PRIM2: variants seen among roughly 807,000 people sequenced by gnomAD.
PRIM2 encodes DNA primase large subunit.
A neutral mutation model predicts 67.3 loss-of-function variants in PRIM2; 39 were observed. That is an observed-to-expected ratio of 0.58 (90% CI 0.45 to 0.76). PRIM2 has a LOEUF of 0.76. Among genes scored for constraint, PRIM2 ranks in the 30% least tolerant of loss-of-function variants. PRIM2 has a pLI of 0.00. For synonymous variants in PRIM2, 143 were observed against 198.7 expected (o/e 0.72, Z 2.36); for missense variants, 398 against 598.7 (o/e 0.66, Z 3.50).
chr6:57,419,770 A>AT (rs1227680153), intron 7 of PRIM2, among the ~76,000 whole-genome samples: 8 of 151,754 alleles, frequency 5.3e-5, no homozygotes, highest in Non-Finnish European at 5.9e-5. Flanking sequence ...ACATTTGGGA[A>AT]TTTTTTTTTA....
chr6:57,300,197 A>G, the PRIM2 span, among the ~76,000 whole-genome samples: 22 of 152,240 alleles, frequency 1.4e-4, no homozygotes, highest in Non-Finnish European at 2.2e-4. Flanking sequence ...CTGCAGATGC[A>G]TTGTCCATTT....
chr6:57,539,867 G>A (rs1374317251), intron 10 of PRIM2, among the ~76,000 whole-genome samples: 17 of 151,948 alleles, frequency 1.1e-4, no homozygotes, highest in African/African-American at 1.9e-4. Context: ...GGTGGCAGGT[G>A]CCTGCAATCC....
intron 10 of PRIM2, among the ~76,000 whole-genome samples, chr6:57,580,406 G>C (rs1776059555): frequency 6.6e-6 from 1 of 152,186 alleles, no homozygotes; most frequent in Admixed American, 6.5e-5. Flanking sequence ...ATTAATAAGA[G>C]AAATGCATAC....
chr6:57,502,771 A>G (rs1774166430), intron 7 of PRIM2, among the ~76,000 whole-genome samples: 1 of 152,314 alleles, frequency 6.6e-6, no homozygotes, highest in Admixed American at 6.5e-5. Flanking sequence ...TTCCAGATTT[A>G]TGAACCTCAT....
the PRIM2 span, among the ~76,000 whole-genome samples, chr6:57,224,024 T>G: frequency 2.0e-5 from 3 of 152,212 alleles, no homozygotes; most frequent in Non-Finnish European, 2.9e-5. Context: ...TGTACAACCA[T>G]GTTTATAGCA....
At chr6:57,561,107 G>A (rs1775618358) in intron 10 of PRIM2, among the ~76,000 whole-genome samples, 1 of 152,182 alleles carries the variant, frequency 6.6e-6, no homozygotes, top group Admixed American at 6.5e-5. Context: ...ATCTTAGCTA[G>A]TTCTTCTGGA....
intron 7 of PRIM2, among the ~76,000 whole-genome samples, chr6:57,441,582 T>C (rs1368719143): frequency 1.3e-5 from 2 of 152,168 alleles, no homozygotes; most frequent in Non-Finnish European, 2.9e-5. Flanking sequence ...TGTTATATGG[T>C]ATTTTCAAAA....
In PRIM2 at chr6:57,556,651, A is replaced by G. The variant is rs1359526055; in HGVS notation, c.1020+19026A>G. Reference sequence around the variant, plus strand: ...AAAATCAACTCAAGATGGATTAAAGACTTAAATGTTAAACCCAAAACACTA... The same window carrying G: ...AAAATCAACTCAAGATGGATTAAAGGCTTAAATGTTAAACCCAAAACACTA... On this transcript the variant is annotated intron_variant, in intron 10 of 13. Coordinates refer to ENST00000615550, the MANE Select transcript of PRIM2 (RefSeq NM_000947.5). Among the ~76,000 whole-genome samples the G allele has an allele frequency of 2.0e-5, 3 of 152,346 alleles. No individual in the cohort carries two copies. In the East Asian group the frequency reaches 5.8e-4, roughly 29 times the overall value.
chr6:57,502,012 A>G (rs1489620107), intron 7 of PRIM2, among the ~76,000 whole-genome samples: 2 of 152,196 alleles, frequency 1.3e-5, no homozygotes, highest in Admixed American at 6.5e-5. Context: ...TATTTCTAAC[A>G]ATCAATTGGT....
At chr6:57,280,646 AT>A in the PRIM2 span, among the ~76,000 whole-genome samples, 149 of 152,186 alleles carry the variant, frequency 9.8e-4, no homozygotes, top group African/African-American at 3.4e-3. Flanking sequence ...AGTAGCTGGG[AT>A]TACAGGCGTG....
chr6:57,457,101 C>T (rs1772818745), intron 7 of PRIM2, among the ~76,000 whole-genome samples: 2 of 152,156 alleles, frequency 1.3e-5, no homozygotes, highest in Non-Finnish European at 2.9e-5. Flanking sequence ...TGCAGAACAG[C>T]AGATATTGGT....
rs1324664515 is a variant in PRIM2, at chr6:57,624,814, T to C, written c.1231-7319T>C. On this transcript the variant is annotated intron_variant, in intron 12 of 13. Coordinates refer to ENST00000615550, the MANE Select transcript of PRIM2 (RefSeq NM_000947.5). ...CTGTATTACTCTGTTTTCATGCTGC[T>C]GATAAAGACATGCCCAAGACTTGGC... 3.9e-5 allele frequency among the ~76,000 whole-genome samples: 6 copies of C among 152,310 alleles called. No homozygotes were observed. In the South Asian group the frequency reaches 6.2e-4, roughly 16 times the overall value.
At chr6:57,515,978 G>A (rs1774479315) in intron 8 of PRIM2, among the ~76,000 whole-genome samples, 1 of 151,594 alleles carries the variant, frequency 6.6e-6, no homozygotes, top group Non-Finnish European at 1.5e-5. Context: ...TTGAAGCCTG[G>A]TCTTTCCTCC....
At chr6:57,410,346 AAAAG>A (rs1211791747) in intron 7 of PRIM2, among the ~76,000 whole-genome samples, 11 of 148,136 alleles carry the variant, frequency 7.4e-5, no homozygotes, top group South Asian at 2.1e-4. Context: ...AAAAAAAAAA[AAAAG>A]AAAGAAAGAA....
At chr6:57,297,610 G>A in the PRIM2 span, among the ~76,000 whole-genome samples, 3 of 152,144 alleles carry the variant, frequency 2.0e-5, no homozygotes, top group East Asian at 1.9e-4. Flanking sequence ...GATTATAAAC[G>A]GAAAAATAGA....
At chr6:57,414,130 T>C (rs1771183223) in intron 7 of PRIM2, among the ~76,000 whole-genome samples, 2 of 152,100 alleles carry the variant, frequency 1.3e-5, no homozygotes, top group South Asian at 4.1e-4. Context: ...AGATCTGCTG[T>C]GGGAAGGATT....
At chr6:57,638,869 A>G (rs1777174707) in intron 13 of PRIM2, among the ~76,000 whole-genome samples, 1 of 152,166 alleles carries the variant, frequency 6.6e-6, no homozygotes, top group Admixed American at 6.5e-5. Flanking sequence ...ATTAACAAGG[A>G]TATTCTGGAC....
chr6:57,627,261 C>CA (rs1776963679), intron 12 of PRIM2, among the ~76,000 whole-genome samples: 1 of 87,006 alleles, frequency 1.1e-5, no homozygotes, highest in African/African-American at 4.8e-5. Flanking sequence ...GCCTGGGTGA[C>CA]AGAGTGAGAC....
At chr6:57,474,452 G>T (rs1773425140) in intron 7 of PRIM2, among the ~76,000 whole-genome samples, 1 of 151,998 alleles carries the variant, frequency 6.6e-6, no homozygotes, top group Non-Finnish European at 1.5e-5. Flanking sequence ...GGGATTACAG[G>T]CGTGAGCCAC....
Sources: gnomAD v4.1 joint callset for allele counts (sites outside exome capture counted in the v4.1 genomes callset) on GRCh38, gnomAD v4.1.1 for gene constraint, MANE v1.5 for transcripts, NCBI Gene and HGNC (gene_info 2026-07-23, HGNC 2026-07-21) for gene names.